Variants in HMGCLL1 observed in about 807,000 individuals in gnomAD.
HMGCLL1 encodes 3-hydroxy-3-methylglutaryl-CoA lyase like 1, also known as 3-hydroxymethyl-3-methylglutaryl-CoA lyase, cytoplasmic.
A neutral mutation model predicts 39.1 loss-of-function variants in HMGCLL1; 36 were observed. The ratio of observed to expected loss-of-function variants is 0.92; its 90% CI spans 0.71 to 1.22. HMGCLL1 has a LOEUF of 1.22. Among genes scored for constraint, HMGCLL1 ranks in the 50% most tolerant of loss-of-function variants. The pLI, the probability that HMGCLL1 is intolerant of heterozygous loss-of-function variation, is 0.00. For synonymous variants in HMGCLL1, 149 were observed against 144.0 expected (o/e 1.03, Z -0.25); for missense variants, 451 against 416.5 (o/e 1.08, Z -0.72).
intron 5 of HMGCLL1, among the ~76,000 whole-genome samples, chr6:55,511,369 G>A (rs9296791): frequency 0.67 from 102,404 of 151,898 alleles, 34,553 homozygotes; most frequent in Non-Finnish European, 0.7. Flanking sequence ...CTGAGCGTGT[G>A]TTAAAAATGT....
the HMGCLL1 span, among the ~76,000 whole-genome samples, chr6:55,663,387 T>G: frequency 6.6e-6 from 1 of 151,826 alleles, no homozygotes; most frequent in Non-Finnish European, 1.5e-5. Context: ...TGTTTTATCT[T>G]TGTTCTCATT....
chr6:55,650,096 T>C, the HMGCLL1 span, among the ~76,000 whole-genome samples: 23 of 16,996 alleles, frequency 1.4e-3, no homozygotes, highest in East Asian at 1.7e-3. Flanking sequence ...TATACATATA[T>C]ATATATATAT....
At chr6:55,616,908 T>C in the HMGCLL1 span, among the ~76,000 whole-genome samples, 1 of 151,890 alleles carries the variant, frequency 6.6e-6, no homozygotes, top group Admixed American at 6.6e-5. Context: ...CAAAAAAAGA[T>C]CTATTGGAAA....
At chr6:55,618,086 A>G in the HMGCLL1 span, among the ~76,000 whole-genome samples, 1 of 152,016 alleles carries the variant, frequency 6.6e-6, no homozygotes, top group South Asian at 2.1e-4. Flanking sequence ...ATTTTTAGGA[A>G]TGCATGCATA....
chr6:55,675,590 G>T, the HMGCLL1 span, among the ~76,000 whole-genome samples: 2 of 152,018 alleles, frequency 1.3e-5, no homozygotes, highest in African/African-American at 4.8e-5. Context: ...GGTTCCTAAG[G>T]CATTTGAGAG....
At chr6:55,617,092 C>A in the HMGCLL1 span, among the ~76,000 whole-genome samples, 1 of 152,132 alleles carries the variant, frequency 6.6e-6, no homozygotes, top group South Asian at 2.1e-4. Context: ...ATATTTGTTA[C>A]ACAGGTAAAT....
At chr6:55,529,600 G>A (rs1435496287) in intron 3 of HMGCLL1, among the ~76,000 whole-genome samples, 1 of 152,022 alleles carries the variant, frequency 6.6e-6, no homozygotes, top group African/African-American at 2.4e-5. Flanking sequence ...ATATAAGACA[G>A]AACTTTAAAA....
chr6:55,450,950 A>T (rs1335872213), intron 7 of HMGCLL1, among the ~76,000 whole-genome samples: 1 of 152,178 alleles, frequency 6.6e-6, no homozygotes, highest in Non-Finnish European at 1.5e-5. Flanking sequence ...AACCAATCTC[A>T]AAAACACAGT....
At chr6:55,532,837 A>C in intron 3 of HMGCLL1, among the ~76,000 whole-genome samples, 1 of 147,624 alleles carries the variant, frequency 6.8e-6, no homozygotes, top group Non-Finnish European at 1.5e-5. Flanking sequence ...TAATAATAAT[A>C]ATAATAATAA....
chr6:55,499,123 T>A, intron 6 of HMGCLL1, 113 bp downstream of exon 6: 1 of 762,840 alleles, frequency 1.3e-6, no homozygotes, highest in Non-Finnish European at 2.1e-6. Context: ...AGGGTTCGCC[T>A]CTTAATCCAT....
chr6:55,641,910 ATT>A, the HMGCLL1 span, among the ~76,000 whole-genome samples: 1 of 122,440 alleles, frequency 8.2e-6, no homozygotes, highest in Non-Finnish European at 1.7e-5. Context: ...TTATTTATTT[ATT>A]TATTTTTTAT....
At chr6:55,673,187 T>A in the HMGCLL1 span, among the ~76,000 whole-genome samples, 3 of 151,996 alleles carry the variant, frequency 2.0e-5, no homozygotes, top group African/African-American at 7.2e-5. Context: ...GAGGTGTGTC[T>A]CCTCATAGCT....
At chr6:55,542,897 AGATT>A (rs1488600001) in intron 1 of HMGCLL1, among the ~76,000 whole-genome samples, 1 of 133,884 alleles carries the variant, frequency 7.5e-6, no homozygotes, top group Non-Finnish European at 1.5e-5. Context: ...TTATATATTT[AGATT>A]ATTTATATTG....
the HMGCLL1 span, among the ~76,000 whole-genome samples, chr6:55,657,494 CAG>C: frequency 3.9e-5 from 6 of 151,900 alleles, no homozygotes; most frequent in South Asian, 2.1e-4. Flanking sequence ...TCGAAGATCA[CAG>C]AGTGTGTGGT....
At chr6:55,667,296 ACT>A in the HMGCLL1 span, among the ~76,000 whole-genome samples, 3 of 151,708 alleles carry the variant, frequency 2.0e-5, no homozygotes, top group Non-Finnish European at 2.9e-5. Context: ...AAAATAAATG[ACT>A]CTATTTTATT....
At chr6:55,537,984 T>C (rs1344511732) in intron 3 of HMGCLL1, among the ~76,000 whole-genome samples, 1 of 152,186 alleles carries the variant, frequency 6.6e-6, no homozygotes, top group African/African-American at 2.4e-5. Context: ...TCCAATTACT[T>C]CTCACAAAGG....
intron 6 of HMGCLL1, among the ~76,000 whole-genome samples, chr6:55,498,079 C>T (rs1355970555): frequency 6.6e-6 from 1 of 152,074 alleles, no homozygotes; most frequent in East Asian, 1.9e-4. Context: ...TGCAGTAGCA[C>T]CTTAGGCGTT....
At chr6:55,472,219 A>G (rs1765078188) in intron 7 of HMGCLL1, among the ~76,000 whole-genome samples, 1 of 151,642 alleles carries the variant, frequency 6.6e-6, no homozygotes, top group Admixed American at 6.6e-5. Flanking sequence ...GAGTGGTGGC[A>G]CCAATTTAAA....
chr6:55,514,527 C>T (rs2127436551), intron 4 of HMGCLL1, among the ~76,000 whole-genome samples: 1 of 152,240 alleles, frequency 6.6e-6, no homozygotes, highest in Non-Finnish European at 1.5e-5. Context: ...ACTAGCACCC[C>T]AATAAAACCC....
Sources: allele counts gnomAD v4.1 joint callset (sites outside exome capture counted in the v4.1 genomes callset), GRCh38; gene constraint gnomAD v4.1.1; transcripts MANE v1.5; gene names NCBI Gene and HGNC (gene_info 2026-07-23, HGNC 2026-07-21).